MAP4K4: variants seen among roughly 807,000 people sequenced by gnomAD.
MAP4K4 encodes mitogen-activated protein kinase kinase kinase kinase 4, also known as HPK/GCK-like kinase HGK.
In MAP4K4, 38 loss-of-function variants were observed where a neutral mutation model predicts 189.6. The observed-to-expected ratio is 0.20, with a 90% CI of 0.15 to 0.26. The LOEUF is 0.26. Among genes scored for constraint, MAP4K4 ranks in the 10% least tolerant of loss-of-function variants. The pLI is 1.00. For synonymous variants in MAP4K4, 610 were observed against 624.3 expected (o/e 0.98, Z 0.34); for missense variants, 1,054 against 1,726.9 (o/e 0.61, Z 6.91).
At chr2:101,893,293 AAG>A in exon 33 of MAP4K4, 1 of 456,124 alleles carries the variant, frequency 2.2e-6, no homozygotes, top group Non-Finnish European at 4.4e-6. Flanking sequence ...GGGGAAGTAA[AAG>A]AAGATGGAAA....
At chr2:101,740,448 C>T (rs1234291623) in intron 2 of MAP4K4, among the ~76,000 whole-genome samples, 1 of 102,542 alleles carries the variant, frequency 9.8e-6, no homozygotes, top group African/African-American at 1.6e-4. Context: ...GCCACCGCGC[C>T]CGGCCGCTTT....
chr2:101,865,626 A>G (rs1392323592), intron 18 of MAP4K4, among the ~76,000 whole-genome samples: 1 of 152,240 alleles, frequency 6.6e-6, no homozygotes, highest in Non-Finnish European at 1.5e-5. Context: ...ACATATAGCT[A>G]GTGGCTATGA....
At chr2:101,840,151 A>G (rs1411958295) in intron 10 of MAP4K4, among the ~76,000 whole-genome samples, 157 bp downstream of exon 10, 1 of 152,130 alleles carries the variant, frequency 6.6e-6, no homozygotes, top group Non-Finnish European at 1.5e-5. Flanking sequence ...CCTGGGGTCC[A>G]GTCTGGCTCC....
chr2:101,700,444 C>G (rs189077671), intron 2 of MAP4K4, among the ~76,000 whole-genome samples: 1 of 152,302 alleles, frequency 6.6e-6, no homozygotes, highest in East Asian at 1.9e-4. Flanking sequence ...TCTAATTATG[C>G]AAACCTAGGG....
At chr2:101,761,333 G>A (rs2076286480) in intron 2 of MAP4K4, among the ~76,000 whole-genome samples, 1 of 151,952 alleles carries the variant, frequency 6.6e-6, no homozygotes, top group South Asian at 2.1e-4. Context: ...TTTTTTTTAT[G>A]ATAGTGTAGA....
exon 31 of MAP4K4, chr2:101,887,922 A>G: frequency 6.2e-7 from 1 of 1,608,582 alleles, no homozygotes; most frequent in Non-Finnish European, 8.5e-7. Context: ...GTGGGGAGAG[A>G]TGCCTACATC....
intron 2 of MAP4K4, among the ~76,000 whole-genome samples, chr2:101,704,290 G>C (rs2040706227): frequency 6.6e-6 from 1 of 151,960 alleles, no homozygotes; most frequent in Non-Finnish European, 1.5e-5. Context: ...GTGGGAGGAA[G>C]CCAGCCCTGT....
At chr2:101,745,840 C>CT (rs1228923462) in intron 2 of MAP4K4, among the ~76,000 whole-genome samples, 5,142 of 143,658 alleles carry the variant, frequency 0.036, 239 homozygotes, top group African/African-American at 0.11. Context: ...TTGTTGCCTA[C>CT]TTTTTTTTTT....
At position 101,883,508 on chromosome 2, in the gene MAP4K4, A is replaced by T. The variant is rs932333243; in HGVS notation, c.3520+823A>T. 7.9e-5 allele frequency among the ~76,000 whole-genome samples: 12 copies of T among 151,782 alleles called. No homozygotes were observed. The South Asian group carries it at 2.5e-3, about 32-fold the overall frequency. On this transcript the variant is annotated intron_variant, in intron 28 of 32. Transcript: ENST00000324219. ...CCACCACGCCCAGCTAATCAAAACA[A>T]TTTTTTTTTAAACATGAAAAAACCA...
chr2:101,794,765 T>C (rs1309388926), intron 3 of MAP4K4, among the ~76,000 whole-genome samples: 1 of 152,254 alleles, frequency 6.6e-6, no homozygotes, highest in African/African-American at 2.4e-5. Context: ...CTTATATCGC[T>C]TATTTTTAAG....
chr2:101,856,036 A>G, exon 13 of MAP4K4: 1 of 1,551,856 alleles, frequency 6.4e-7, no homozygotes, highest in Non-Finnish European at 8.7e-7. Context: ...GAAGGAGAGA[A>G]CAAGAAGAAA....
chr2:101,788,322 G>A (rs952396281), intron 2 of MAP4K4, among the ~76,000 whole-genome samples: 12 of 152,284 alleles, frequency 7.9e-5, no homozygotes, highest in African/African-American at 2.6e-4. Flanking sequence ...CAGGGTCAGG[G>A]CTAGGGCCTT....
chr2:101,886,659 A>G (rs1417187788), intron 29 of MAP4K4, among the ~76,000 whole-genome samples: 2 of 152,228 alleles, frequency 1.3e-5, no homozygotes, highest in Non-Finnish European at 2.9e-5. Context: ...CTAATTTTGT[A>G]GAGTATTGTT....
intron 2 of MAP4K4, among the ~76,000 whole-genome samples, chr2:101,714,642 A>T (rs758551608): frequency 2.0e-5 from 3 of 152,222 alleles, no homozygotes; most frequent in Non-Finnish European, 4.4e-5. Flanking sequence ...CTCTAAATCA[A>T]AATGGAAATT....
chr2:101,785,864 G>A lies in MAP4K4; in HGVS notation c.124-4856G>A, dbSNP rs192652696. Among the ~76,000 whole-genome samples the A allele has an allele frequency of 6.0e-5, 9 of 149,850 alleles. 1 individual carries two copies. In the East Asian group the frequency reaches 1.6e-3, roughly 27 times the overall value. ...TTTTGAGTTGGAGTCTTGCTCTGTC[G>A]CCCAGGCTGGAGTGCAGTGGCACGA... On this transcript the variant is annotated intron_variant, in intron 2 of 32. Transcript: ENST00000324219.
rs369476115 is a variant in MAP4K4, at chr2:101,829,615, G to A, written c.508+21G>A. 4.8e-5 allele frequency: 75 copies of A among 1,564,228 alleles called. No homozygotes were observed. The African/African-American group carries it at 5.3e-4, about 11-fold the overall frequency. On this transcript the variant is annotated intron_variant, in intron 6 of 32. Transcript: ENST00000324219. ...ACTTGGTATGTAATGGATGTGCGGC[G>A]TGATCTCATAATTGCACCTGGCACA... is the stretch of plus-strand genomic sequence containing the variant.
chr2:101,743,601 G>A (rs2063803840), intron 2 of MAP4K4, among the ~76,000 whole-genome samples: 1 of 151,982 alleles, frequency 6.6e-6, no homozygotes, highest in South Asian at 2.1e-4. Flanking sequence ...ATGATAACAT[G>A]TTTACTAGGG....
chr2:101,844,275 T>A, exon 12 of MAP4K4: 1 of 1,570,016 alleles, frequency 6.4e-7, no homozygotes, highest in Non-Finnish European at 8.6e-7. Flanking sequence ...AGAAGCGGAT[T>A]GAGCAGCAGA....
At chr2:101,784,380 G>C (rs948653383) in intron 2 of MAP4K4, among the ~76,000 whole-genome samples, 35 of 151,936 alleles carry the variant, frequency 2.3e-4, no homozygotes, top group African/African-American at 8.0e-4. Flanking sequence ...CAGCAGTGTG[G>C]GGCATGTCCT....
Sources: gnomAD v4.1 joint callset for allele counts (sites outside exome capture counted in the v4.1 genomes callset) on GRCh38, gnomAD v4.1.1 for gene constraint, MANE v1.5 for transcripts, NCBI Gene and HGNC (gene_info 2026-07-23, HGNC 2026-07-21) for gene names.